The following BLMH variants were observed in gnomAD, a reference collection of about 807,000 sequenced individuals.
BLMH encodes the protein BLM hydrolase.
In BLMH, 32 loss-of-function variants were observed where a neutral mutation model predicts 61.6. That is an observed-to-expected ratio of 0.52 (90% CI 0.39 to 0.70). BLMH has a LOEUF of 0.70. Ranked by LOEUF, BLMH falls within the 30% of genes least tolerant of loss-of-function variation. The pLI, the probability that BLMH is intolerant of heterozygous loss-of-function variation, is 0.00. For synonymous variants in BLMH, 183 were observed against 193.8 expected (o/e 0.94, Z 0.46); for missense variants, 460 against 555.5 (o/e 0.83, Z 1.73).
At chr17:30,264,774 G>T (rs888644856) in intron 11 of BLMH, among the ~76,000 whole-genome samples, 1 of 152,128 alleles carries the variant, frequency 6.6e-6, no homozygotes, top group African/African-American at 2.4e-5. Flanking sequence ...AGCTGCAGGG[G>T]GTTCATTGGA....
rs1173734181 is a variant in BLMH at position 30,274,198 on chromosome 17, C to A, written c.646-1G>T. The stretch of plus-strand genomic sequence containing the variant: ...AACAGATGCACACCACTCGGAATAT[C>A]TGGAAGAGAGGAGGAGGAAAGGCGA... On this transcript the variant is annotated splice_acceptor_variant, in intron 6 of 11. Coordinates refer to ENST00000261714, the MANE Select transcript of BLMH (RefSeq NM_000386.4). LOFTEE classifies it high-confidence loss of function. 6.2e-7 allele frequency: 1 copy of A among 1,613,010 alleles called. No individual in the cohort carries two copies.
intron 6 of BLMH, among the ~76,000 whole-genome samples, chr17:30,280,969 G>A (rs1908569712): frequency 1.3e-5 from 2 of 152,002 alleles, no homozygotes; most frequent in Non-Finnish European, 2.9e-5. Context: ...CTACCTTAGT[G>A]ACTGTTTATT....
intron 10 of BLMH, among the ~76,000 whole-genome samples, chr17:30,267,425 C>T (rs1256253937): frequency 1.3e-5 from 2 of 152,060 alleles, no homozygotes; most frequent in African/African-American, 4.8e-5. Context: ...TTAAACAAAA[C>T]AAAACAAACT....
At chr17:30,281,184 A>G (rs1259755386) in intron 6 of BLMH, among the ~76,000 whole-genome samples, 1 of 151,860 alleles carries the variant, frequency 6.6e-6, no homozygotes. Flanking sequence ...ACAGAAAGAC[A>G]TAAAAAGGTA....
chr17:30,248,852 C>T lies in BLMH; in HGVS notation c.*165G>A. 2 of 800,248 alleles carry T rather than the reference C, an allele frequency of 2.5e-6. No homozygotes were observed. The highest frequency in any genetic ancestry group is 3.9e-6 in the Non-Finnish European group (2 of 508,304). 49.6% of individuals were successfully genotyped at this position (800,248 alleles called of 1,614,324 possible). A position where few individuals can be genotyped will look rare whatever the true frequency, so the allele number is the denominator to read the frequency against. On this transcript the variant is annotated 3_prime_UTR_variant, in exon 12 of 12. Coordinates refer to ENST00000261714, the MANE Select transcript of BLMH (RefSeq NM_000386.4). ...TTTTTCCTTTAACAGTATTCTGTTT[C>T]AGCATAAAGCACACTTTCTGAAGAG...
At position 30,289,139 on chromosome 17, in the gene BLMH, C is replaced by A. The variant is rs117283314; in HGVS notation, c.321+234G>T. ...AAATTTAAAATTTTAAATAGACAAG[C>A]AAGCAGTAAGATGAGTCAGTAAACT... On this transcript the variant is annotated intron_variant, in intron 3 of 11. Transcript: ENST00000261714. Among the ~76,000 whole-genome samples, 1,149 of 151,912 alleles carry A rather than the reference C, an allele frequency of 7.6e-3. 6 individuals carry two copies. The highest frequency in any genetic ancestry group is 0.027 in the South Asian group (132 of 4,822).
chr17:30,265,501 A>T (rs1032912368), intron 11 of BLMH, among the ~76,000 whole-genome samples: 2 of 152,162 alleles, frequency 1.3e-5, no homozygotes, highest in Non-Finnish European at 2.9e-5. Flanking sequence ...AAACACAGAG[A>T]GGGGCAACAA....
intron 9 of BLMH, among the ~76,000 whole-genome samples, chr17:30,271,660 C>A (rs1908274055): frequency 6.6e-6 from 1 of 152,044 alleles, no homozygotes; most frequent in Non-Finnish European, 1.5e-5. Flanking sequence ...TTTACATTGT[C>A]ATTTAGGCAA....
chr17:30,281,028 A>G (rs1377563223), intron 6 of BLMH, among the ~76,000 whole-genome samples: 1 of 150,534 alleles, frequency 6.6e-6, no homozygotes, highest in Admixed American at 6.6e-5. Flanking sequence ...GCTGTCTACT[A>G]CTTTCTGGTA....
At chr17:30,280,194 G>A (rs906516120) in intron 6 of BLMH, among the ~76,000 whole-genome samples, 9 of 152,128 alleles carry the variant, frequency 5.9e-5, no homozygotes, top group African/African-American at 2.2e-4. Flanking sequence ...TAATTCTTCT[G>A]CTTAAAAATC....
intron 1 of BLMH, 110 bp from the exon 2 acceptor site, chr17:30,291,618 C>A: frequency 6.9e-7 from 1 of 1,454,224 alleles, no homozygotes; most frequent in Non-Finnish European, 9.3e-7. Context: ...GTGCCCGCTG[C>A]AGCGGGGAAA....
At chr17:30,253,054 A>C (rs1385930716) in intron 11 of BLMH, among the ~76,000 whole-genome samples, 2 of 152,218 alleles carry the variant, frequency 1.3e-5, no homozygotes, top group East Asian at 3.9e-4. Flanking sequence ...AGCAAGCAGG[A>C]GAGCAGACTA....
At chr17:30,291,547 G>A (rs767487397) in intron 1 of BLMH, 39 bp from the exon 2 acceptor site, 19 of 1,606,922 alleles carry the variant, frequency 1.2e-5, no homozygotes, top group Middle Eastern at 1.7e-4. Flanking sequence ...GCAAAAAGAG[G>A]GGGAAAGGGC....
At position 30,274,117 on chromosome 17, in the gene BLMH, A is replaced by G. The variant is rs1908353499; in HGVS notation, c.726T>C (p.Tyr242=). The G allele has an allele frequency of 3.7e-6, 6 of 1,614,032 alleles. No individual in the cohort carries two copies. The highest frequency in any genetic ancestry group is 1.3e-5 in the African/African-American group (1 of 74,904). The change falls in exon 7 of 12, where the codon TAT becomes TAC. Residue 242 remains tyrosine (Y), a synonymous_variant. Coordinates refer to ENST00000261714, the MANE Select transcript of BLMH (RefSeq NM_000386.4). ...TWEYRDKDKN[Y]QKIGPITPLE... is the part of the protein sequence containing the mutation. ...AGGGTGTTATGGGGCCAATTTTCTG[A>G]TAATTTTTATCTTTGTCTCGATATT...
At chr17:30,274,260 T>C in intron 6 of BLMH, 63 bp from the exon 7 acceptor site, 1 of 1,538,952 alleles carries the variant, frequency 6.5e-7, no homozygotes, top group South Asian at 1.2e-5. Context: ...TTTTCACCTC[T>C]TCATTTTCCT....
intron 10 of BLMH, 129 bp downstream of exon 10, chr17:30,271,142 T>C: frequency 1.4e-6 from 1 of 714,616 alleles, no homozygotes; most frequent in Non-Finnish European, 2.4e-6. Flanking sequence ...AGGTACGATG[T>C]CTTACTTGGA....
Position 30,291,370 on chromosome 17 carries a change from T to C in BLMH, c.152A>G (p.His51Arg), listed in dbSNP as rs1024711664. 5 of 1,613,038 alleles carry C rather than the reference T, an allele frequency of 3.1e-6. No homozygotes were observed. The African/African-American group carries it at 6.7e-5, about 22-fold the overall frequency. Residue 51 changes from histidine to arginine, a missense_variant, in exon 2 of 12, where the codon CAT becomes CGT. His to Arg is a conservative substitution (Grantham distance 29, BLOSUM62 0). This residue lies in a region of BLMH where 86 missense variants were observed against 84.5 expected (regional missense o/e 1.02). Coordinates refer to ENST00000261714, the MANE Select transcript of BLMH (RefSeq NM_000386.4). ...LKRATVQRAQ[H>R]VFQHAVPQEG... ...CTGGGGCACGGCGTGCTGGAACACA[T>C]GCTGCGCGCGCTGCACCGTGGCCCG... is the stretch of plus-strand genomic sequence containing the variant.
intron 3 of BLMH, 50 bp downstream of exon 3, chr17:30,289,323 A>C (rs778772444): frequency 7.8e-7 from 1 of 1,277,534 alleles, no homozygotes; most frequent in Non-Finnish European, 1.1e-6. Flanking sequence ...GGCAGTCCCT[A>C]CCAAGGCTGA....
At chr17:30,291,769 C>T (rs925225470) in intron 1 of BLMH, 38 bp downstream of exon 1, 1 of 1,415,976 alleles carries the variant, frequency 7.1e-7, no homozygotes, top group African/African-American at 1.4e-5. Flanking sequence ...CCGCGGAGCT[C>T]CTCCAGAGGA....
Sources: gnomAD v4.1 joint callset for allele counts (sites outside exome capture counted in the v4.1 genomes callset) on GRCh38, gnomAD v4.1.1 for gene constraint, gnomAD v4.1.1 regional missense constraint, MANE v1.5 for transcripts, NCBI Gene and HGNC (gene_info 2026-07-23, HGNC 2026-07-21) for gene names.